WDR72: variants seen among roughly 807,000 people sequenced by gnomAD.
WDR72 encodes WD repeat domain 72.
WDR72 carries 120 observed loss-of-function variants against 124.2 expected under a neutral mutation model. The ratio of observed to expected loss-of-function variants is 0.97; its 90% CI spans 0.83 to 1.12. The LOEUF (loss-of-function observed/expected upper bound fraction) is 1.12, where lower values mean the gene tolerates loss of function less well. Ranked by LOEUF, WDR72 falls within the 50% of genes most tolerant of loss-of-function variation. The probability of loss-of-function intolerance (pLI) is 0.00; values close to 1 mark genes in which losing one functional copy is unlikely to be tolerated. For synonymous variants in WDR72, 452 were observed against 441.7 expected (o/e 1.02, Z -0.29); for missense variants, 1,387 against 1,278.8 (o/e 1.08, Z -1.29).
rs1292928223 is a variant in WDR72, at chr15:53,729,759, A to G, written c.153+3238T>C. On this transcript the variant is annotated intron_variant, in intron 2 of 19. Coordinates refer to ENST00000360509, the MANE Select transcript of WDR72 (RefSeq NM_182758.4). ...TCAGAAAGGCTTTCCATTCAAAAACATAACAGGATACCACTTAACACCCAT... is the reference window on the plus strand; with the variant it reads ...TCAGAAAGGCTTTCCATTCAAAAACGTAACAGGATACCACTTAACACCCAT... Among the ~76,000 whole-genome samples, 4 of 152,264 alleles carry G rather than the reference A, an allele frequency of 2.6e-5. No individual in the cohort carries two copies. In the East Asian group the frequency reaches 5.8e-4, roughly 22 times the overall value.
chr15:53,657,235 G>A (rs1038912933), intron 14 of WDR72, among the ~76,000 whole-genome samples: 2 of 113,060 alleles, frequency 1.8e-5, no homozygotes, highest in African/African-American at 7.0e-5. Flanking sequence ...TTGCACTCCA[G>A]CCTGGGCAAA....
intron 18 of WDR72, among the ~76,000 whole-genome samples, chr15:53,546,550 A>G (rs1893470707): frequency 6.6e-6 from 1 of 152,004 alleles, no homozygotes; most frequent in South Asian, 2.1e-4. Flanking sequence ...GCATTGGGAG[A>G]TATACCTAAT....
intron 13 of WDR72, among the ~76,000 whole-genome samples, chr15:53,695,091 T>C (rs2016962691): frequency 6.6e-6 from 1 of 152,228 alleles, no homozygotes; most frequent in Non-Finnish European, 1.5e-5. Context: ...AAAGTGTTTC[T>C]GATCCATCTT....
At chr15:53,527,720 C>G (rs546761872) in intron 18 of WDR72, among the ~76,000 whole-genome samples, 2 of 151,960 alleles carry the variant, frequency 1.3e-5, no homozygotes, top group Non-Finnish European at 2.9e-5. Flanking sequence ...ACTGCAGTAC[C>G]AGACCAAAGC....
At chr15:53,729,030 CCCTATT>C (rs1255100652) in intron 2 of WDR72, among the ~76,000 whole-genome samples, 52 of 152,000 alleles carry the variant, frequency 3.4e-4, no homozygotes, top group Non-Finnish European at 1.0e-4. Context: ...TTTTTTCCTT[CCCTATT>C]CCTATTCTCC....
chr15:53,633,358 G>A (rs1054941946), intron 14 of WDR72, among the ~76,000 whole-genome samples: 1 of 152,096 alleles, frequency 6.6e-6, no homozygotes, highest in African/African-American at 2.4e-5. Context: ...TAAGTTTTCT[G>A]AGGCCTCCCC....
Position 53,549,226 on chromosome 15 carries a change from C to G in WDR72, c.3149-25904G>C, listed in dbSNP as rs937847593. Among the ~76,000 whole-genome samples, 4 of 152,248 alleles carry G rather than the reference C, an allele frequency of 2.6e-5. No individual in the cohort carries two copies. The East Asian group carries it at 7.7e-4, about 29-fold the overall frequency. On this transcript the variant is annotated intron_variant, in intron 18 of 19. Transcript: ENST00000360509. Reference sequence around the variant, plus strand: ...TGCCCTAACAGATCTTATGGTCTGACAGGCAAGAGACATTGAACAAGTAAT... The same window carrying G: ...TGCCCTAACAGATCTTATGGTCTGAGAGGCAAGAGACATTGAACAAGTAAT...
chr15:53,581,217 G>C (rs1176058544), intron 18 of WDR72, among the ~76,000 whole-genome samples: 1 of 152,050 alleles, frequency 6.6e-6, no homozygotes, highest in Non-Finnish European at 1.5e-5. Flanking sequence ...CTGTATGCAA[G>C]TGCTATGGAA....
intron 14 of WDR72, chr15:53,652,225 C>G (rs902799260): frequency 6.6e-6 from 1 of 152,082 alleles, no homozygotes; most frequent in Non-Finnish European, 1.5e-5. Context: ...AGAGCCTTGT[C>G]ATGGGAATCT....
At chr15:53,555,350 G>A (rs1397166045) in intron 18 of WDR72, among the ~76,000 whole-genome samples, 9 of 151,858 alleles carry the variant, frequency 5.9e-5, no homozygotes, top group African/African-American at 2.2e-4. Flanking sequence ...AGACACAAAG[G>A]AAAGAAACAC....
At chr15:53,719,427 A>G (rs2017810025) in intron 3 of WDR72, among the ~76,000 whole-genome samples, 1 of 152,010 alleles carries the variant, frequency 6.6e-6, no homozygotes. Flanking sequence ...TACTGTTATT[A>G]TGCTATTGGA....
intron 3 of WDR72, among the ~76,000 whole-genome samples, chr15:53,718,526 G>T (rs944036771): frequency 6.6e-6 from 1 of 151,874 alleles, no homozygotes. Flanking sequence ...GCAAAAATTT[G>T]CTCTTTGCCT....
chr15:53,529,145 CAT>C (rs34418320), intron 18 of WDR72, among the ~76,000 whole-genome samples: 2,613 of 112,500 alleles, frequency 0.023, 44 homozygotes, highest in Middle Eastern at 0.073. Flanking sequence ...CTGTTTAGCC[CAT>C]ATATATATAT....
intron 18 of WDR72, among the ~76,000 whole-genome samples, chr15:53,533,264 G>A (rs1296156392): frequency 6.6e-6 from 1 of 152,124 alleles, no homozygotes; most frequent in Non-Finnish European, 1.5e-5. Context: ...AAGAGATTAA[G>A]AAGACAAAGA....
chr15:53,687,744 A>G (rs1211452845), intron 13 of WDR72, among the ~76,000 whole-genome samples: 4,214 of 133,702 alleles, frequency 0.032, 230 homozygotes, highest in African/African-American at 0.12. Flanking sequence ...CCAAAGCCGG[A>G]CAGAGACACA....
At chr15:53,617,142 C>T (rs1259758873) in intron 14 of WDR72, among the ~76,000 whole-genome samples, 5 of 151,630 alleles carry the variant, frequency 3.3e-5, no homozygotes, top group Admixed American at 1.3e-4. Context: ...TTATATCGAT[C>T]GGTGAAAAAC....
intron 14 of WDR72, 74 bp from the exon 15 acceptor site, chr15:53,616,317 G>A: frequency 7.4e-7 from 1 of 1,347,584 alleles, no homozygotes; most frequent in Non-Finnish European, 1.0e-6. Flanking sequence ...TGTTAAAGTG[G>A]CATTTTTAAA....
intron 17 of WDR72, among the ~76,000 whole-genome samples, chr15:53,600,137 G>A (rs1376284579): frequency 1.1e-4 from 16 of 152,024 alleles, no homozygotes; most frequent in Non-Finnish European, 5.9e-5. Context: ...AATAGAATGG[G>A]CACTACATAA....
intron 13 of WDR72, among the ~76,000 whole-genome samples, chr15:53,691,669 AGATAGATG>A (rs2016849550): frequency 9.0e-6 from 1 of 110,688 alleles, no homozygotes; most frequent in Non-Finnish European, 1.9e-5. Context: ...ATAGATAGAT[AGATAGATG>A]TTTAACAAAA....
Sources: allele counts gnomAD v4.1 joint callset (sites outside exome capture counted in the v4.1 genomes callset), GRCh38; gene constraint gnomAD v4.1.1; transcripts MANE v1.5; gene names NCBI Gene and HGNC (gene_info 2026-07-23, HGNC 2026-07-21).